Variants in CAVIN1 observed in about 807,000 individuals in gnomAD.
The protein encoded by CAVIN1 is caveolae associated protein 1.
CAVIN1 carries 16 observed loss-of-function variants against 24.0 expected under a neutral mutation model. The observed-to-expected ratio is 0.67, with a 90% confidence interval of 0.45 to 1.01. CAVIN1 has a LOEUF of 1.01. Ranked by LOEUF, CAVIN1 falls within the 50% of genes least tolerant of loss-of-function variation. The probability of loss-of-function intolerance (pLI) is 0.00; values close to 1 mark genes in which losing one functional copy is unlikely to be tolerated. For synonymous variants in CAVIN1, 256 were observed against 256.4 expected, an observed-to-expected ratio of 1.00 and a Z score of 0.02; for missense variants, 510 against 551.7, an observed-to-expected ratio of 0.92 and a Z score of 0.76.
At chr17:42,418,473 C>T (rs535006896) in intron 1 of CAVIN1, among the ~76,000 whole-genome samples, 15 of 152,002 alleles carry the variant, frequency 9.9e-5, no homozygotes, top group Admixed American at 3.3e-4. Flanking sequence ...TCAGGTGATC[C>T]GCCCGCCTCA....
chr17:42,413,473 C>T (rs934143781), intron 1 of CAVIN1, among the ~76,000 whole-genome samples: 2 of 145,926 alleles, frequency 1.4e-5, no homozygotes, highest in Non-Finnish European at 3.0e-5. Context: ...GCAGGAGAAT[C>T]ACTTGAACCA....
At position 42,423,044 on chromosome 17, in the gene CAVIN1, G is replaced by A. The variant is rs760165492; in HGVS notation, c.54C>T (p.Asp18=). 1.9e-6 allele frequency: 3 copies of A among 1,610,104 alleles called. No individual in the cohort carries two copies. Among genetic ancestry groups the A allele is most frequent in the Admixed American group, 3.4e-5 (2 of 59,564 alleles). The change falls in exon 1 of 2, where the codon GAC becomes GAT. Residue 18 remains aspartate (D), a synonymous_variant. Coordinates refer to ENST00000357037, the MANE Select transcript of CAVIN1 (RefSeq NM_012232.6). The part of the protein sequence containing the change: ...IVERPLPGYP[D]AEAPEPSSAG... ...CGGAGGAAGGCTCCGGGGCCTCGGC[G>A]TCGGGGTACCCGGGAAGCGGCCGCT...
intron 1 of CAVIN1, among the ~76,000 whole-genome samples, chr17:42,417,068 C>G (rs1381740723): frequency 6.6e-6 from 1 of 152,132 alleles, no homozygotes; most frequent in Non-Finnish European, 1.5e-5. Flanking sequence ...CTGACTTTGC[C>G]TCCTCAAAAC....
At chr17:42,421,662 G>C (rs1349172667) in intron 1 of CAVIN1, among the ~76,000 whole-genome samples, 1 of 152,188 alleles carries the variant, frequency 6.6e-6, no homozygotes, top group Non-Finnish European at 1.5e-5. Flanking sequence ...TGATCCAAAA[G>C]CTACATTTTT....
chr17:42,415,288 G>C, intron 1 of CAVIN1, among the ~76,000 whole-genome samples: 1 of 152,178 alleles, frequency 6.6e-6, no homozygotes, highest in Non-Finnish European at 1.5e-5. Flanking sequence ...CCTGGGTTCT[G>C]GCTCCAGTTT....
rs751566365 is a variant in CAVIN1 at position 42,405,358 on chromosome 17, T to A, written c.502A>T (p.Ile168Phe). 38 of 1,607,374 alleles carry A rather than the reference T, an allele frequency of 2.4e-5. No individual in the cohort carries two copies. The highest frequency in any genetic ancestry group is 3.1e-5 in the Non-Finnish European group (36 of 1,179,964). ...DEVKLPAKLSISKSLKESEAL... is the reference protein window; with the variant it reads ...DEVKLPAKLSFSKSLKESEAL... ...TCCGACTCTTTCAGCGATTTGCTGA[T>A]GCTCAGTTTGGCCGGCAGCTTCACT... is the stretch of plus-strand genomic sequence containing the variant. The change falls in exon 2 of 2, where the codon ATC becomes TTC. Residue 168 changes from isoleucine to phenylalanine, a missense_variant. Ile to Phe is a conservative substitution (Grantham distance 21). Coordinates refer to ENST00000357037, the MANE Select transcript of CAVIN1 (RefSeq NM_012232.6).
intron 1 of CAVIN1, chr17:42,412,250 G>A: frequency 1.3e-5 from 13 of 985,158 alleles, no homozygotes; most frequent in Non-Finnish European, 1.6e-5. Context: ...TTCTTCTTGG[G>A]CTAAGATGAG....
Position 42,422,750 on chromosome 17 carries a change from C to T in CAVIN1, c.348G>A (p.Lys116=), listed in dbSNP as rs777309097. The T allele has an allele frequency of 3.7e-6, 6 of 1,612,322 alleles. No individual in the cohort carries two copies. Among genetic ancestry groups the T allele is most frequent in the Non-Finnish European group, 5.1e-6 (6 of 1,179,420 alleles). ...TVSKLLEKVR[K]VSVNVKTVRG... The stretch of plus-strand genomic sequence containing the variant: ...GCACGGTCTTCACGTTGACGCTGAC[C>T]TTGCGCACCTTCTCCAGCAGCTTGC... The change falls in exon 1 of 2, where the codon AAG becomes AAA. Residue 116 remains lysine (K), a synonymous_variant. Coordinates refer to ENST00000357037, the MANE Select transcript of CAVIN1 (RefSeq NM_012232.6).
rs773601343 is a variant in CAVIN1, at chr17:42,404,948, G to A, written c.912C>T (p.Asp304=). The change falls in exon 2 of 2, where the codon GAC becomes GAT. Residue 304 remains aspartate, a synonymous_variant. Coordinates refer to ENST00000357037, the MANE Select transcript of CAVIN1 (RefSeq NM_012232.6). ...RDKLRKSFTP[D]HVVYARSKTA... ...TCTTGGAGCGCGCGTACACCACGTG[G>A]TCGGGCGTGAAGGATTTGCGCAACT... The A allele has an allele frequency of 5.6e-6, 9 of 1,614,150 alleles. No individual in the cohort carries two copies. The South Asian group carries it at 6.6e-5, about 12-fold the overall frequency.
At position 42,404,323 on chromosome 17, in the gene CAVIN1, C is replaced by T. The variant is rs977772566; in HGVS notation, c.*364G>A. The T allele has an allele frequency of 5.3e-6, 1 of 188,092 alleles. No homozygotes were observed. The highest frequency in any genetic ancestry group is 1.4e-4 in the East Asian group (1 of 6,972). 11.7% of individuals were successfully genotyped at this position (188,092 alleles called of 1,614,324 possible). ...TGAGAATGAAGAAGAGCTCAGTGAG[C>T]GGAATGACAGCAGCTGGGTGGGTGG... On this transcript the variant is annotated 3_prime_UTR_variant, in exon 2 of 2. Coordinates refer to ENST00000357037, the MANE Select transcript of CAVIN1 (RefSeq NM_012232.6).
intron 1 of CAVIN1, chr17:42,411,437 T>C (rs756294689): frequency 2.0e-6 from 2 of 985,158 alleles, no homozygotes; most frequent in Non-Finnish European, 2.4e-6. Flanking sequence ...CACTCTGCTA[T>C]AGGAAGGCCA....
At chr17:42,417,277 A>C (rs778470726) in intron 1 of CAVIN1, among the ~76,000 whole-genome samples, 2 of 152,038 alleles carry the variant, frequency 1.3e-5, no homozygotes, top group Non-Finnish European at 2.9e-5. Context: ...AACATGGTGA[A>C]ACCCTGTCTC....
chr17:42,423,172 G>C lies in CAVIN1; in HGVS notation c.-75C>G, dbSNP rs553730941. ...GGGAGACCCGGAGAGAAGCAGGAGC[G>C]GAAGGGAGGAGAGCTAGCGGGCGAG... On this transcript the variant is annotated 5_prime_UTR_variant, in exon 1 of 2. Transcript: ENST00000357037. 3.3e-6 allele frequency: 4 copies of C among 1,199,782 alleles called. No homozygotes were observed. In the South Asian group the frequency reaches 4.6e-5, roughly 14 times the overall value. The allele number at this position is 1,199,782 out of a possible 1,614,324, so 74.3% of individuals were successfully genotyped here.
intron 1 of CAVIN1, among the ~76,000 whole-genome samples, chr17:42,410,809 G>A (rs908124882): frequency 1.4e-5 from 2 of 144,692 alleles, no homozygotes; most frequent in Non-Finnish European, 3.0e-5. Flanking sequence ...CTACTCGGGA[G>A]GCTGAACCAG....
chr17:42,408,916 A>C (rs2085460983), intron 1 of CAVIN1, among the ~76,000 whole-genome samples: 1 of 149,602 alleles, frequency 6.7e-6, no homozygotes, highest in African/African-American at 2.5e-5. Flanking sequence ...TCAGCCTCCC[A>C]AGTAGCTGGG....
Position 42,404,398 on chromosome 17 carries a change from T to C in CAVIN1, c.*289A>G, listed in dbSNP as rs2085429309. 1 of 286,826 alleles carries C rather than the reference T, an allele frequency of 3.5e-6. No homozygotes were observed. The highest frequency in any genetic ancestry group is 6.5e-6 in the Non-Finnish European group (1 of 154,154). The allele number at this position is 286,826 out of a possible 1,614,324, so 17.8% of individuals were successfully genotyped here. A position where few individuals can be genotyped will look rare whatever the true frequency, so the allele number is the denominator to read the frequency against. The stretch of plus-strand genomic sequence containing the variant: ...CAGCCCCCCCAGGGGGGCCTAACCG[T>C]GGAATCACTGCAATTTCCTCTGAGA... On this transcript the variant is annotated 3_prime_UTR_variant, in exon 2 of 2. Coordinates refer to ENST00000357037, the MANE Select transcript of CAVIN1 (RefSeq NM_012232.6).
At chr17:42,413,997 A>C (rs2085497285) in intron 1 of CAVIN1, among the ~76,000 whole-genome samples, 1 of 151,990 alleles carries the variant, frequency 6.6e-6, no homozygotes, top group Non-Finnish European at 1.5e-5. Flanking sequence ...TCCTGAGTTC[A>C]AGTGATTCTC....
intron 1 of CAVIN1, among the ~76,000 whole-genome samples, chr17:42,412,436 C>A (rs1268758687): frequency 1.3e-5 from 2 of 149,130 alleles, no homozygotes; most frequent in African/African-American, 5.0e-5. Context: ...GCTCTGTTGC[C>A]CAGGCTGTAG....
At chr17:42,413,557 TCAAAAAGGGAAAAAAAAAAAAA>T (rs1284028784) in intron 1 of CAVIN1, among the ~76,000 whole-genome samples, 1 of 52,332 alleles carries the variant, frequency 1.9e-5, no homozygotes, top group African/African-American at 6.6e-5. Flanking sequence ...AAAGTCTGTC[TCAAAAAGGGAAAAAAAAAAAAA>T]AAAAAAAAAA....
Sources: gnomAD v4.1 joint callset for allele counts (sites outside exome capture counted in the v4.1 genomes callset) on GRCh38, gnomAD v4.1.1 for gene constraint, MANE v1.5 for transcripts, NCBI Gene and HGNC (gene_info 2026-07-23, HGNC 2026-07-21) for gene names.